VSIR: variants seen among roughly 807,000 people sequenced by gnomAD.
VSIR encodes the protein V-set immunoregulatory receptor, also known as V-type immunoglobulin domain-containing suppressor of T-cell activation.
A neutral mutation model predicts 31.0 loss-of-function variants in VSIR; 10 were observed. That is an observed-to-expected ratio of 0.32 (90% CI 0.20 to 0.55). The LOEUF (loss-of-function observed/expected upper bound fraction) is 0.55. Ranked by LOEUF, VSIR falls within the 20% of genes least tolerant of loss-of-function variation. The probability of loss-of-function intolerance (pLI) is 0.93; values close to 1 mark genes in which losing one functional copy is unlikely to be tolerated. For missense variants in VSIR, 356 were observed against 416.2 expected (o/e 0.86, Z 1.26); for synonymous variants, 179 against 180.1 (o/e 0.99, Z 0.05).
intron 2 of VSIR, 95 bp downstream of exon 2, chr10:71,761,503 C>T: frequency 4.4e-6 from 6 of 1,374,254 alleles, no homozygotes; most frequent in Non-Finnish European, 4.8e-6. Flanking sequence ...CCCATGCAGC[C>T]TCACACTCTG....
intron 3 of VSIR, among the ~76,000 whole-genome samples, chr10:71,759,818 T>TACACACACAC (rs1487599802): frequency 0.1 from 5,116 of 50,564 alleles, 889 homozygotes; most frequent in Middle Eastern, 0.24. Context: ...TTTCAGAAAA[T>TACACACACAC]ATACACACAC....
chr10:71,748,539 T>A lies in VSIR; in HGVS notation c.*2714A>T, dbSNP rs1306084095. ...TAAAGGCAGGAAGTCTCTATTAAAC[T>A]GTGAATGTCAGGAGATAGGTAAGAT... On this transcript the variant is annotated 3_prime_UTR_variant, in exon 7 of 7. Coordinates refer to ENST00000394957, the MANE Select transcript of VSIR (RefSeq NM_022153.2). 2 of 152,270 alleles carry A rather than the reference T, an allele frequency of 1.3e-5. No homozygotes were observed. The highest frequency in any genetic ancestry group is 4.8e-5 in the African/African-American group (2 of 41,470). 9.4% of individuals were successfully genotyped at this position (152,270 alleles called of 1,614,324 possible).
At chr10:71,768,320 G>A (rs570964352) in intron 1 of VSIR, among the ~76,000 whole-genome samples, 53 of 152,180 alleles carry the variant, frequency 3.5e-4, no homozygotes, top group Admixed American at 5.9e-4. Flanking sequence ...ACAGGCACCC[G>A]CCACCACGCC....
chr10:71,750,575 G>C lies in VSIR; in HGVS notation c.*678C>G, dbSNP rs1839972757. ...GCCCAAGACACCATTTGCTCACGGAGGCCACCATGCCCCAATATGTACTTC... is the reference window on the plus strand; with the variant it reads ...GCCCAAGACACCATTTGCTCACGGACGCCACCATGCCCCAATATGTACTTC... On this transcript the variant is annotated 3_prime_UTR_variant, in exon 7 of 7. Coordinates refer to ENST00000394957, the MANE Select transcript of VSIR (RefSeq NM_022153.2). 1 of 152,376 alleles carries C rather than the reference G, an allele frequency of 6.6e-6. No homozygotes were observed. The highest frequency in any genetic ancestry group is 1.9e-4 in the East Asian group (1 of 5,200). 9.4% of individuals were successfully genotyped at this position (152,376 alleles called of 1,614,324 possible).
At chr10:71,754,870 T>C (rs1375865069) in intron 4 of VSIR, among the ~76,000 whole-genome samples, 1 of 152,222 alleles carries the variant, frequency 6.6e-6, no homozygotes, top group Non-Finnish European at 1.5e-5. Context: ...CAGTCAGTTA[T>C]GTAACCCCAC....
chr10:71,759,157 C>A (rs1164536688), intron 3 of VSIR, among the ~76,000 whole-genome samples: 1 of 152,068 alleles, frequency 6.6e-6, no homozygotes, highest in Non-Finnish European at 1.5e-5. Context: ...CTTGCCTCAG[C>A]CTCTTGAGTA....
In VSIR at chr10:71,767,719, T is replaced by C. The variant is rs181252079; in HGVS notation, c.82+5639A>G. 1.4e-3 allele frequency among the ~76,000 whole-genome samples: 219 copies of C among 152,362 alleles called. 3 individuals are homozygous for C. Among genetic ancestry groups the C allele is most frequent in the Admixed American group, 2.8e-3 (43 of 15,310 alleles). The stretch of plus-strand genomic sequence containing the variant: ...GGGCCTGAAGCCAGCAAGTCTGCCC[T>C]GGGGCTTTCTGGCCAGTGAGGACAA... On this transcript the variant is annotated intron_variant, in intron 1 of 6. Coordinates refer to ENST00000394957, the MANE Select transcript of VSIR (RefSeq NM_022153.2).
intron 1 of VSIR, among the ~76,000 whole-genome samples, chr10:71,771,510 C>T (rs1446752674): frequency 1.3e-5 from 2 of 152,250 alleles, no homozygotes; most frequent in African/African-American, 4.8e-5. Flanking sequence ...TGCAACCAGG[C>T]CTCCCATCTG....
At chr10:71,754,364 AGTT>A (rs1315456378) in intron 4 of VSIR, among the ~76,000 whole-genome samples, 1 of 152,096 alleles carries the variant, frequency 6.6e-6, no homozygotes, top group Non-Finnish European at 1.5e-5. Flanking sequence ...AGGGATGACA[AGTT>A]GTTAAGGGCC....
At chr10:71,754,708 G>T (rs983458452) in intron 4 of VSIR, among the ~76,000 whole-genome samples, 33 of 152,172 alleles carry the variant, frequency 2.2e-4, no homozygotes, top group African/African-American at 8.0e-4. Context: ...AGTAAAATGG[G>T]GACAATGGTA....
At chr10:71,768,098 T>C (rs936205163) in intron 1 of VSIR, among the ~76,000 whole-genome samples, 46 of 152,222 alleles carry the variant, frequency 3.0e-4, no homozygotes, top group African/African-American at 1.1e-3. Flanking sequence ...AGCTCAAGTC[T>C]TTTTGCCCCC....
At chr10:71,762,665 C>T in intron 1 of VSIR, among the ~76,000 whole-genome samples, 1 of 107,522 alleles carries the variant, frequency 9.3e-6, no homozygotes, top group South Asian at 3.2e-4. Context: ...TGGGGACAGT[C>T]AGGGACTTCC....
chr10:71,770,544 G>A (rs914534319), intron 1 of VSIR, among the ~76,000 whole-genome samples: 1 of 152,208 alleles, frequency 6.6e-6, no homozygotes, highest in Non-Finnish European at 1.5e-5. Context: ...CTGATCCCTG[G>A]CCCACCCTCC....
At chr10:71,758,131 C>T (rs986078278) in intron 3 of VSIR, among the ~76,000 whole-genome samples, 3 of 152,106 alleles carry the variant, frequency 2.0e-5, no homozygotes, top group Non-Finnish European at 2.9e-5. Context: ...CCCAGGAGTT[C>T]GAGACCAGCC....
chr10:71,758,000 A>G (rs1160665899), intron 3 of VSIR, among the ~76,000 whole-genome samples: 4 of 152,134 alleles, frequency 2.6e-5, no homozygotes, highest in Non-Finnish European at 5.9e-5. Context: ...GTTATTTCAT[A>G]GTCAAGCTAC....
At position 71,759,820 on chromosome 10, in the gene VSIR, T is replaced by TAC. The variant is rs1289055534; in HGVS notation, c.568+1046_568+1047dup. ...GAGTGAAACCGTGTTTCAGAAAATATACACACACACACACACACACACACA... is the reference window on the plus strand; with the variant it reads ...GAGTGAAACCGTGTTTCAGAAAATATACACACACACACACACACACACACACA... On this transcript the variant is annotated intron_variant, in intron 3 of 6. Transcript: ENST00000394957. 1.8e-3 allele frequency among the ~76,000 whole-genome samples: 151 copies of TAC among 85,368 alleles called. 16 individuals carry two copies. Among genetic ancestry groups the TAC allele is most frequent in the Admixed American group, 6.3e-3 (48 of 7,626 alleles). The allele number at this position is 85,368 out of a possible 152,430, so 56.0% of individuals were successfully genotyped here.
rs1564779763 is a variant in VSIR, at chr10:71,760,064, C to CACACACATATAT, written c.568+803_568+804insATATATGTGTGT. On this transcript the variant is annotated intron_variant, in intron 3 of 6. Transcript: ENST00000394957. ...ATATATACACACACACATATATATA[C>CACACACATATAT]ACACACACATATATATACACACACA... is the stretch of plus-strand genomic sequence containing the variant. Among the ~76,000 whole-genome samples the CACACACATATAT allele has an allele frequency of 1.3e-4, 3 of 23,276 alleles. 1 individual carries two copies. 15.3% of individuals were successfully genotyped at this position (23,276 alleles called of 152,430 possible).
chr10:71,760,703 C>A, intron 3 of VSIR, 165 bp downstream of exon 3: 1 of 668,950 alleles, frequency 1.5e-6, no homozygotes, highest in South Asian at 1.7e-5. Flanking sequence ...CTGGGGATTG[C>A]ACCAAGGAGG....
chr10:71,760,486 T>C (rs1840350091), intron 3 of VSIR: 1 of 172,950 alleles, frequency 5.8e-6, no homozygotes, highest in Admixed American at 5.9e-5. Context: ...AACACAGAAA[T>C]CTGAAGTAGT....
Sources: gnomAD v4.1 joint callset for allele counts (sites outside exome capture counted in the v4.1 genomes callset) on GRCh38, gnomAD v4.1.1 for gene constraint, MANE v1.5 for transcripts, NCBI Gene and HGNC (gene_info 2026-07-23, HGNC 2026-07-21) for gene names.